The following SEM1 variants were observed in gnomAD, a reference collection of about 807,000 sequenced individuals.
SEM1 encodes the protein SEM1 26S proteasome subunit.
In SEM1, 3 loss-of-function variants were observed where a neutral mutation model predicts 12.7. That is an observed-to-expected ratio of 0.24 (90% CI 0.11 to 0.61). The LOEUF (loss-of-function observed/expected upper bound fraction) is 0.61. SEM1 is among the 20% of genes least tolerant of loss of function. SEM1 has a pLI of 0.88. For missense variants in SEM1, 59 were observed against 81.3 expected, an observed-to-expected ratio of 0.73 and a Z score of 1.06; for synonymous variants, 30 against 27.8, an observed-to-expected ratio of 1.08 and a Z score of -0.25.
chr7:96,561,124 C>T (rs961279722), intron 2 of SEM1, among the ~76,000 whole-genome samples: 2 of 152,104 alleles, frequency 1.3e-5, no homozygotes, highest in African/African-American at 4.8e-5. Context: ...ATTAAACTTA[C>T]TGCAAACCCC....
chr7:96,495,337 C>T (rs1018460936), intron 1 of SEM1, among the ~76,000 whole-genome samples: 12 of 152,250 alleles, frequency 7.9e-5, no homozygotes, highest in African/African-American at 2.9e-4. Flanking sequence ...GTTCTCTTCT[C>T]TTTCACTGCT....
At chr7:96,589,844 T>G (rs1806771913) in intron 2 of SEM1, among the ~76,000 whole-genome samples, 1 of 152,228 alleles carries the variant, frequency 6.6e-6, no homozygotes, top group African/African-American at 2.4e-5. Flanking sequence ...CCATTTGCTT[T>G]TCTCATAAGG....
At chr7:96,588,051 G>A (rs1201120700) in intron 2 of SEM1, among the ~76,000 whole-genome samples, 3 of 152,110 alleles carry the variant, frequency 2.0e-5, no homozygotes, top group Non-Finnish European at 4.4e-5. Flanking sequence ...AGTTTTCATT[G>A]CCTTACACCT....
intron 2 of SEM1, among the ~76,000 whole-genome samples, chr7:96,584,443 G>T (rs1232201454): frequency 6.6e-6 from 1 of 151,928 alleles, no homozygotes; most frequent in Non-Finnish European, 1.5e-5. Context: ...ACAATTATGT[G>T]TCTTGGAGTT....
At chr7:96,632,111 G>A (rs1808280274) in intron 2 of SEM1, among the ~76,000 whole-genome samples, 1 of 152,172 alleles carries the variant, frequency 6.6e-6, no homozygotes, top group Admixed American at 6.5e-5. Flanking sequence ...TGGTGGGAGT[G>A]TAAATTAGTT....
intron 2 of SEM1, among the ~76,000 whole-genome samples, chr7:96,566,081 AT>A (rs1316425864): frequency 2.0e-5 from 3 of 151,810 alleles, no homozygotes; most frequent in African/African-American, 7.2e-5. Context: ...TAATTAATCT[AT>A]TTAATTTTTC....
chr7:96,584,565 T>C (rs1325265983), intron 2 of SEM1, among the ~76,000 whole-genome samples: 1 of 152,024 alleles, frequency 6.6e-6, no homozygotes. Flanking sequence ...CAGAGTGTTT[T>C]CCAACTTGGT....
chr7:96,514,644 C>T (rs1804034496), intron 2 of SEM1, among the ~76,000 whole-genome samples: 1 of 151,816 alleles, frequency 6.6e-6, no homozygotes, highest in African/African-American at 2.4e-5. Flanking sequence ...AAATTAGAAA[C>T]ATGATACCAT....
At chr7:96,680,203 T>G (rs1261541453) in intron 2 of SEM1, among the ~76,000 whole-genome samples, 1 of 152,078 alleles carries the variant, frequency 6.6e-6, no homozygotes, top group African/African-American at 2.4e-5. Flanking sequence ...TTGCTAGATA[T>G]ACACTCTTTT....
exon 4 of SEM1, chr7:96,482,034 A>T (rs1346871818): frequency 6.6e-6 from 1 of 152,180 alleles, no homozygotes; most frequent in Non-Finnish European, 1.5e-5. Context: ...AAAAGAATCT[A>T]TTGCATTTAT....
At chr7:96,690,754 A>G (rs112353419) in intron 2 of SEM1, among the ~76,000 whole-genome samples, 3 of 152,288 alleles carry the variant, frequency 2.0e-5, no homozygotes, top group African/African-American at 7.2e-5. Flanking sequence ...TGATTTGGTA[A>G]ATCAGGAACT....
exon 4 of SEM1, chr7:96,481,806 T>TA (rs1224647357): frequency 2.6e-5 from 4 of 152,150 alleles, no homozygotes; most frequent in African/African-American, 9.7e-5. Flanking sequence ...ATCCACCTAG[T>TA]TACCAATATA....
chr7:96,675,285 G>C (rs1789422476), intron 2 of SEM1, among the ~76,000 whole-genome samples: 2 of 152,132 alleles, frequency 1.3e-5, no homozygotes, highest in Non-Finnish European at 2.9e-5. Flanking sequence ...ATTGCATCTT[G>C]AGTATTTCAC....
chr7:96,675,507 A>G (rs1484237082), intron 2 of SEM1, among the ~76,000 whole-genome samples: 2 of 152,164 alleles, frequency 1.3e-5, no homozygotes, highest in Non-Finnish European at 2.9e-5. Context: ...AGCTAAGTAT[A>G]TAACAGACAT....
At chr7:96,488,874 C>G (rs1287572690) in intron 1 of SEM1, among the ~76,000 whole-genome samples, 1 of 151,916 alleles carries the variant, frequency 6.6e-6, no homozygotes, top group Non-Finnish European at 1.5e-5. Context: ...GCAAGGGGAG[C>G]CAGTTTTCTA....
intron 2 of SEM1, among the ~76,000 whole-genome samples, chr7:96,583,722 T>G (rs1177680253): frequency 6.6e-6 from 1 of 150,868 alleles, no homozygotes; most frequent in Non-Finnish European, 1.5e-5. Flanking sequence ...TTTACCATTA[T>G]GTAATGGCCT....
At chr7:96,681,679 A>G (rs1450554642) in intron 2 of SEM1, among the ~76,000 whole-genome samples, 1 of 152,116 alleles carries the variant, frequency 6.6e-6, no homozygotes, top group Non-Finnish European at 1.5e-5. Context: ...AGGCTTGTCA[A>G]AGATCAGATG....
At position 96,531,432 on chromosome 7, in the gene SEM1, A is replaced by C. The variant is rs533360261; in HGVS notation, c.171-24734T>G. Among the ~76,000 whole-genome samples the C allele has an allele frequency of 2.3e-4, 35 of 151,266 alleles. No individual in the cohort carries two copies. The East Asian group carries it at 3.3e-3, about 14-fold the overall frequency. Reference sequence around the variant, plus strand: ...AAAAATATAAAAAAAAAAACAACAAAAAAAAACAAACAAAAAGAAAAACTA... The same window carrying C: ...AAAAATATAAAAAAAAAAACAACAACAAAAAACAAACAAAAAGAAAAACTA... On this transcript the variant is annotated intron_variant and NMD_transcript_variant, in intron 2 of 3. Coordinates refer to the SEM1 transcript ENST00000466986.
intron 2 of SEM1, among the ~76,000 whole-genome samples, chr7:96,628,050 G>A (rs1259403204): frequency 6.6e-6 from 1 of 151,824 alleles, no homozygotes; most frequent in Non-Finnish European, 1.5e-5. Context: ...TATAGTTTTT[G>A]TCTTGAAATC....
Sources: allele counts gnomAD v4.1 joint callset (sites outside exome capture counted in the v4.1 genomes callset), GRCh38; gene constraint gnomAD v4.1.1; transcripts MANE v1.5; gene names NCBI Gene and HGNC (gene_info 2026-07-23, HGNC 2026-07-21).